TBC1D4: variants seen among roughly 807,000 people sequenced by gnomAD.
TBC1D4 encodes TBC1 domain family member 4.
Under a neutral mutation model 142.5 loss-of-function variants are expected in TBC1D4, and 121 were observed. The ratio of observed to expected loss-of-function variants is 0.85; its 90% CI spans 0.73 to 0.99. The LOEUF is 0.99. Among genes scored for constraint, TBC1D4 ranks in the 50% least tolerant of loss-of-function variants. TBC1D4 has a pLI of 0.00. For synonymous variants in TBC1D4, 630 were observed against 628.2 expected, an observed-to-expected ratio of 1.00 and a Z score of -0.04; for missense variants, 1,475 against 1,606.6, an observed-to-expected ratio of 0.92 and a Z score of 1.40.
At chr13:75,442,616 T>A (rs945028139) in intron 1 of TBC1D4, among the ~76,000 whole-genome samples, 1 of 151,664 alleles carries the variant, frequency 6.6e-6, no homozygotes, top group East Asian at 1.9e-4. Flanking sequence ...CCATCTCTAC[T>A]AAAAATACAA....
chr13:75,393,796 TG>T (rs1255343387), intron 1 of TBC1D4, among the ~76,000 whole-genome samples: 4 of 151,952 alleles, frequency 2.6e-5, no homozygotes, highest in Non-Finnish European at 5.9e-5. Context: ...CCAGGCGTGG[TG>T]GCACATGCCT....
At chr13:75,326,513 T>C in intron 9 of TBC1D4, 90 bp from the exon 10 acceptor site, 1 of 1,328,754 alleles carries the variant, frequency 7.5e-7, no homozygotes, top group Non-Finnish European at 1.1e-6. Context: ...ACAGTGTGCC[T>C]CATCTTCCTC....
At chr13:75,361,500 C>A (rs962427425) in intron 2 of TBC1D4, among the ~76,000 whole-genome samples, 1 of 152,174 alleles carries the variant, frequency 6.6e-6, no homozygotes. Context: ...CCCGCCTCAG[C>A]ACCTGATTAG....
intron 2 of TBC1D4, among the ~76,000 whole-genome samples, chr13:75,360,161 C>A (rs2138162425): frequency 6.6e-6 from 1 of 152,242 alleles, no homozygotes; most frequent in African/African-American, 2.4e-5. Context: ...ACTTTCCTCA[C>A]TTCATGATTT....
intron 15 of TBC1D4, 118 bp downstream of exon 15, chr13:75,306,195 A>C: frequency 4.2e-6 from 4 of 946,934 alleles, no homozygotes; most frequent in South Asian, 1.7e-5. Context: ...TTTTTTACTA[A>C]GCAAAACACA....
At chr13:75,333,896 T>C (rs888792696) in intron 8 of TBC1D4, among the ~76,000 whole-genome samples, 3 of 152,190 alleles carry the variant, frequency 2.0e-5, no homozygotes, top group African/African-American at 7.2e-5. Context: ...TTTGGGTTTG[T>C]TGACATTTCC....
chr13:75,459,796 A>AAACAACAAC (rs1356731227), intron 1 of TBC1D4, among the ~76,000 whole-genome samples: 1 of 152,216 alleles, frequency 6.6e-6, no homozygotes, highest in African/African-American at 2.4e-5. Flanking sequence ...AAAGACTTGA[A>AAACAACAAC]AACAACAACA....
In TBC1D4 at chr13:75,310,087, C is replaced by T. The variant is rs760610327; in HGVS notation, c.2448G>A (p.Pro816=). ...SPLSPTMEEE[P]LVVFLSGEDD... ...CCTCCCCAGACAGGAATACAACCAG[C>T]GGTTCCTCCTCCATGGTTGGAGAGA... The change falls in exon 14 of 21, where the codon CCG becomes CCA. Residue 816 remains proline, a synonymous_variant. Transcript: ENST00000377636. The T allele has an allele frequency of 9.3e-6, 15 of 1,613,958 alleles. No individual in the cohort carries two copies. The highest frequency in any genetic ancestry group is 7.7e-5 in the South Asian group (7 of 91,078).
At chr13:75,409,549 T>G (rs141763270) in intron 1 of TBC1D4, among the ~76,000 whole-genome samples, 2 of 152,210 alleles carry the variant, frequency 1.3e-5, no homozygotes, top group Admixed American at 6.5e-5. Flanking sequence ...ACAGATAAAT[T>G]TAAAGTATTG....
intron 18 of TBC1D4, among the ~76,000 whole-genome samples, chr13:75,293,418 C>CA (rs147101372): frequency 0.025 from 3,779 of 152,138 alleles, 154 homozygotes; most frequent in African/African-American, 0.082. Flanking sequence ...ATTCTCATGA[C>CA]AAAAAACTGA....
At chr13:75,303,859 C>G (rs1367596894) in intron 15 of TBC1D4, among the ~76,000 whole-genome samples, 1 of 152,136 alleles carries the variant, frequency 6.6e-6, no homozygotes, top group Admixed American at 6.5e-5. Flanking sequence ...CCTCCTGTTG[C>G]CTTTATGGAA....
chr13:75,384,458 A>T (rs1186158230), intron 1 of TBC1D4, among the ~76,000 whole-genome samples: 2 of 151,820 alleles, frequency 1.3e-5, no homozygotes, highest in Non-Finnish European at 2.9e-5. Context: ...TGAGCTGCAT[A>T]TTCCTTTCTG....
chr13:75,412,118 T>G (rs1885699283), intron 1 of TBC1D4, among the ~76,000 whole-genome samples: 1 of 152,198 alleles, frequency 6.6e-6, no homozygotes, highest in African/African-American at 2.4e-5. Flanking sequence ...GCTTGAAATT[T>G]TGTGAGGGCT....
intron 1 of TBC1D4, among the ~76,000 whole-genome samples, chr13:75,368,930 G>A (rs1277559372): frequency 6.6e-6 from 1 of 152,150 alleles, no homozygotes; most frequent in Non-Finnish European, 1.5e-5. Flanking sequence ...TGTAATCCCA[G>A]CTACTCCTGA....
chr13:75,299,493 T>C lies in TBC1D4; in HGVS notation c.2993A>G (p.Tyr998Cys). 1 of 1,614,142 alleles carries C rather than the reference T, an allele frequency of 6.2e-7. No individual in the cohort carries two copies. Among genetic ancestry groups the C allele is most frequent in the South Asian group, 1.1e-5 (1 of 91,088 alleles). ...TCCCACTTCTTTGTCCAGCAAAGAA[T>C]AGGCTTTCAGGAGGTTAAACAGTGA... The part of the protein sequence containing the change: ...QLSLFNLLKA[Y>C]SLLDKEVGYC... The change falls in exon 17 of 21, where the codon TAT becomes TGT. Residue 998 changes from tyrosine (Y) to cysteine (C), a missense_variant. This residue lies in a region of TBC1D4 where 1,227 missense variants were observed against 1,267.7 expected (regional missense o/e 0.97). Transcript: ENST00000377636.
chr13:75,438,802 C>G (rs535063331), intron 1 of TBC1D4, among the ~76,000 whole-genome samples: 2 of 152,012 alleles, frequency 1.3e-5, no homozygotes, highest in African/African-American at 4.8e-5. Flanking sequence ...CCAACAGATA[C>G]GTATCTATGT....
chr13:75,385,672 G>A (rs572462954), intron 1 of TBC1D4, among the ~76,000 whole-genome samples: 48 of 152,264 alleles, frequency 3.2e-4, no homozygotes, highest in African/African-American at 1.1e-3. Context: ...TATCACTAAC[G>A]GAGCACTTAC....
chr13:75,449,014 A>G (rs1887414942), intron 1 of TBC1D4, among the ~76,000 whole-genome samples: 1 of 149,958 alleles, frequency 6.7e-6, no homozygotes, highest in African/African-American at 2.4e-5. Context: ...AAAGGGGAGA[A>G]TCATGTATAT....
chr13:75,356,142 C>G lies in TBC1D4; in HGVS notation c.1275+5G>C. 6.2e-7 allele frequency: 1 copy of G among 1,609,148 alleles called. No homozygotes were observed. The highest frequency in any genetic ancestry group is 1.7e-5 in the Admixed American group (1 of 59,870). The stretch of plus-strand genomic sequence containing the variant: ...GAGCAGGCAGACAGCAATAACACTA[C>G]TTACCAGAGATTCGCTGGCACACTG... On this transcript the variant is annotated splice_donor_5th_base_variant and intron_variant, in intron 4 of 20. Transcript: ENST00000377636.
Sources: gnomAD v4.1 joint callset for allele counts (sites outside exome capture counted in the v4.1 genomes callset) on GRCh38, gnomAD v4.1.1 for gene constraint, gnomAD v4.1.1 regional missense constraint, MANE v1.5 for transcripts, NCBI Gene and HGNC (gene_info 2026-07-23, HGNC 2026-07-21) for gene names.